KIAA0930: variants seen among roughly 807,000 people sequenced by gnomAD.
KIAA0930 encodes uncharacterized protein KIAA0930.
In KIAA0930, 24 loss-of-function variants were observed where a neutral mutation model predicts 43.9. That is an observed-to-expected ratio of 0.55 (90% CI 0.40 to 0.77). The LOEUF is 0.77. Among genes scored for constraint, KIAA0930 ranks in the 30% least tolerant of loss-of-function variants. The pLI is 0.00. For synonymous variants in KIAA0930, 259 were observed against 216.4 expected (o/e 1.20, Z -1.73); for missense variants, 461 against 574.2 (o/e 0.80, Z 2.02).
intron 1 of KIAA0930, among the ~76,000 whole-genome samples, chr22:45,225,115 C>T (rs2083790768): frequency 1.3e-5 from 2 of 152,102 alleles, no homozygotes; most frequent in Non-Finnish European, 2.9e-5. Flanking sequence ...TCCAGGCGGC[C>T]CTTGGCCCTC....
intron 6 of KIAA0930, 100 bp downstream of exon 6, chr22:45,203,745 C>A: frequency 1.4e-6 from 2 of 1,395,864 alleles, no homozygotes; most frequent in African/African-American, 1.4e-5. Context: ...CGCTACCATG[C>A]ACAAGCAGGC....
chr22:45,229,492 G>A (rs1036579827), intron 1 of KIAA0930, among the ~76,000 whole-genome samples: 30 of 152,066 alleles, frequency 2.0e-4, no homozygotes, highest in Admixed American at 4.6e-4. Context: ...GAGAGGGACA[G>A]GAGCCACACA....
At chr22:45,227,791 T>G (rs527839054) in intron 1 of KIAA0930, among the ~76,000 whole-genome samples, 102 of 152,320 alleles carry the variant, frequency 6.7e-4, no homozygotes, top group African/African-American at 2.4e-3. Flanking sequence ...CAGCCTCTGA[T>G]AGAGATGACC....
chr22:45,226,541 C>T (rs1379483555), intron 1 of KIAA0930, among the ~76,000 whole-genome samples: 2 of 152,088 alleles, frequency 1.3e-5, no homozygotes, highest in South Asian at 2.1e-4. Context: ...ACCTGCTGCC[C>T]GCCCCGACCC....
chr22:45,206,526 G>A (rs5766536), intron 2 of KIAA0930, among the ~76,000 whole-genome samples: 38,611 of 152,046 alleles, frequency 0.25, 5,192 homozygotes, highest in Non-Finnish European at 0.3. Context: ...AGTGGACGGC[G>A]GGGTCTGGGC....
At chr22:45,203,240 C>T (rs1012797658) in intron 6 of KIAA0930, 56 bp from the exon 7 acceptor site, 4 of 1,518,780 alleles carry the variant, frequency 2.6e-6, no homozygotes, top group South Asian at 2.5e-5. Context: ...CTCCATGGGG[C>T]CCCTCCCCAG....
intron 2 of KIAA0930, among the ~76,000 whole-genome samples, chr22:45,206,182 A>AT (rs2083636431): frequency 6.6e-6 from 1 of 151,986 alleles, no homozygotes; most frequent in African/African-American, 2.4e-5. Flanking sequence ...CACCCGGCTA[A>AT]TTTTTAAAAC....
At chr22:45,207,978 G>A (rs1467666507) in intron 2 of KIAA0930, among the ~76,000 whole-genome samples, 1 of 152,180 alleles carries the variant, frequency 6.6e-6, no homozygotes, top group Non-Finnish European at 1.5e-5. Context: ...GCAAAGCGCT[G>A]TGGACTCAGT....
chr22:45,240,647 G>A lies in KIAA0930; in HGVS notation c.57C>T (p.Cys19=). Residue 19 remains cysteine, a synonymous_variant, in exon 1 of 10, where the codon TGC becomes TGT. Coordinates refer to ENST00000336156, the MANE Select transcript of KIAA0930 (RefSeq NM_001009880.2). ...RGRLSLRREV[C]GLGCFKDDRI... The stretch of plus-strand genomic sequence containing the variant: ...CCCCCGGGTCCCACTCACCGAGGCC[G>A]CAGACCTCGCGGCGCAGGCTAAGAC... 6.6e-7 allele frequency: 1 copy of A among 1,525,722 alleles called. No individual in the cohort carries two copies. 94.5% of individuals were successfully genotyped at this position (1,525,722 alleles called of 1,614,324 possible). A position where few individuals can be genotyped will look rare whatever the true frequency, so the allele number is the denominator to read the frequency against.
At chr22:45,207,324 T>G (rs568218397) in intron 2 of KIAA0930, among the ~76,000 whole-genome samples, 1 of 144,260 alleles carries the variant, frequency 6.9e-6, no homozygotes, top group East Asian at 2.1e-4. Context: ...ATTTATTTCT[T>G]ATTTTTTTAT....
chr22:45,235,545 C>T (rs2083882997), intron 1 of KIAA0930: 1 of 152,226 alleles, frequency 6.6e-6, no homozygotes, highest in Non-Finnish European at 1.5e-5. Flanking sequence ...GGTTGGAGGG[C>T]CCCAAGGAGT....
chr22:45,238,002 C>T (rs1296388851), intron 1 of KIAA0930, among the ~76,000 whole-genome samples: 1 of 151,816 alleles, frequency 6.6e-6, no homozygotes, highest in Non-Finnish European at 1.5e-5. Flanking sequence ...CTCACTGCAA[C>T]CTCCGCCTCC....
rs1055980488 is a variant in KIAA0930, at chr22:45,193,930, TTTC to T, written c.*3243_*3245del. ...TAAATGGAAAAGCCCACCCTACAACTTTCTTTTTAATGTTCTAAAAAGTGACAC... is the reference window on the plus strand; with the variant it reads ...TAAATGGAAAAGCCCACCCTACAACTTTTTTAATGTTCTAAAAAGTGACAC... On this transcript the variant is annotated 3_prime_UTR_variant, in exon 10 of 10. Coordinates refer to ENST00000336156, the MANE Select transcript of KIAA0930 (RefSeq NM_001009880.2). 1 of 151,804 alleles carries T rather than the reference TTTC, an allele frequency of 6.6e-6. No individual in the cohort carries two copies. The highest frequency in any genetic ancestry group is 1.5e-5 in the Non-Finnish European group (1 of 67,984). The allele number at this position is 151,804 out of a possible 1,614,324, so 9.4% of individuals were successfully genotyped here.
intron 2 of KIAA0930, among the ~76,000 whole-genome samples, chr22:45,208,330 A>G (rs62231104): frequency 0.08 from 8,371 of 104,756 alleles, 203 homozygotes; most frequent in Non-Finnish European, 0.1. Flanking sequence ...GACTCCACAC[A>G]CATGAGCTGT....
chr22:45,214,160 G>GCC (rs1204750784), intron 1 of KIAA0930, among the ~76,000 whole-genome samples: 2 of 152,060 alleles, frequency 1.3e-5, no homozygotes, highest in African/African-American at 4.8e-5. Context: ...CTGGGCAACA[G>GCC]AACGAGACTC....
rs1162603058 is a variant in KIAA0930, at chr22:45,194,778, G to A, written c.*2398C>T. On this transcript the variant is annotated 3_prime_UTR_variant, in exon 10 of 10. Transcript: ENST00000336156. Reference sequence around the variant, plus strand: ...GGAGAGGGATTTAGGGCCTGAGAAAGGCAGACTCCACCGAGTGTCTGTCCA... The same window carrying A: ...GGAGAGGGATTTAGGGCCTGAGAAAAGCAGACTCCACCGAGTGTCTGTCCA... 1 of 152,232 alleles carries A rather than the reference G, an allele frequency of 6.6e-6. No individual in the cohort carries two copies. The highest frequency in any genetic ancestry group is 1.9e-4 in the East Asian group (1 of 5,198). 9.4% of individuals were successfully genotyped at this position (152,232 alleles called of 1,614,324 possible).
At chr22:45,226,628 C>T (rs1173276809) in intron 1 of KIAA0930, among the ~76,000 whole-genome samples, 1 of 152,070 alleles carries the variant, frequency 6.6e-6, no homozygotes, top group African/African-American at 2.4e-5. Flanking sequence ...TATTCAAATT[C>T]CTGTTTTCTG....
At position 45,196,263 on chromosome 22, in the gene KIAA0930, C is replaced by G. The variant is rs1214262574; in HGVS notation, c.*913G>C. On this transcript the variant is annotated 3_prime_UTR_variant, in exon 10 of 10. Transcript: ENST00000336156. The surrounding 1 kb of genome is among the most constrained non-coding windows in gnomAD (Gnocchi z 4.1). ...GAGAGATGGGACCAACACACGCCGT[C>G]AAAGGAAGTGAGTTCTAGGAAACCA... 2 of 152,250 alleles carry G rather than the reference C, an allele frequency of 1.3e-5. No homozygotes were observed. Among genetic ancestry groups the G allele is most frequent in the Non-Finnish European group, 2.9e-5 (2 of 68,082 alleles). 9.4% of individuals were successfully genotyped at this position (152,250 alleles called of 1,614,324 possible). A position where few individuals can be genotyped will look rare whatever the true frequency, so the allele number is the denominator to read the frequency against.
intron 1 of KIAA0930, among the ~76,000 whole-genome samples, chr22:45,229,531 G>T (rs1489381177): frequency 6.6e-6 from 1 of 152,146 alleles, no homozygotes; most frequent in Non-Finnish European, 1.5e-5. Context: ...CACAGCACAG[G>T]GGCAGGAATT....
Sources: allele counts gnomAD v4.1 joint callset (sites outside exome capture counted in the v4.1 genomes callset), GRCh38; gene constraint gnomAD v4.1.1; non-coding constraint Gnocchi (gnomAD v3.1); transcripts MANE v1.5; gene names NCBI Gene and HGNC (gene_info 2026-07-23, HGNC 2026-07-21).